ZNF708: variants seen among roughly 807,000 people sequenced by gnomAD.
ZNF708 encodes the protein ZNF15, ZNF15L1.
In ZNF708, 44 loss-of-function variants were observed where a neutral mutation model predicts 47.0. The ratio of observed to expected loss-of-function variants is 0.94; its 90% CI spans 0.74 to 1.20. The LOEUF (loss-of-function observed/expected upper bound fraction) is 1.20, where lower values mean the gene tolerates loss of function less well. ZNF708 is among the 50% of genes most tolerant of loss of function. The pLI, the probability that ZNF708 is intolerant of heterozygous loss-of-function variation, is 0.00. For missense variants in ZNF708, 557 were observed against 656.0 expected (o/e 0.85, Z 1.65); for synonymous variants, 184 against 218.5 (o/e 0.84, Z 1.39).
chr19:21,309,814 T>C (rs1206534577), intron 2 of ZNF708, among the ~76,000 whole-genome samples: 1 of 152,218 alleles, frequency 6.6e-6, no homozygotes, highest in Non-Finnish European at 1.5e-5. Context: ...ACAAAATTTC[T>C]AAATATTAAG....
chr19:21,314,482 A>G (rs1972963840), intron 1 of ZNF708, among the ~76,000 whole-genome samples: 1 of 152,188 alleles, frequency 6.6e-6, no homozygotes, highest in Non-Finnish European at 1.5e-5. Context: ...CCACAACAAT[A>G]TAAATAAAGT....
Position 21,292,625 on chromosome 19 carries a change from T to C in ZNF708, c.*649A>G, listed in dbSNP as rs1423020914. On this transcript the variant is annotated 3_prime_UTR_variant, in exon 4 of 4. Coordinates refer to ENST00000356929, the MANE Select transcript of ZNF708 (RefSeq NM_021269.3). ...CAAATAAAGGTATTACAATCCTCTTTTATTTGTAATGTTTGTCTTCAAAAT... is the reference window on the plus strand; with the variant it reads ...CAAATAAAGGTATTACAATCCTCTTCTATTTGTAATGTTTGTCTTCAAAAT... The C allele has an allele frequency of 6.6e-6, 1 of 152,486 alleles. No individual in the cohort carries two copies. The highest frequency in any genetic ancestry group is 1.9e-4 in the East Asian group (1 of 5,214). 9.4% of individuals were successfully genotyped at this position (152,486 alleles called of 1,614,324 possible).
Position 21,294,702 on chromosome 19 carries a change from C to G in ZNF708, c.264G>C (p.Glu88Asp), listed in dbSNP as rs770714631. 6.2e-6 allele frequency: 10 copies of G among 1,610,752 alleles called. No individual in the cohort carries two copies. Among genetic ancestry groups the G allele is most frequent in the Non-Finnish European group, 8.5e-6 (10 of 1,178,720 alleles). ...CSHFAKDLRP[E>D]QYIKNSFQQV... ...GTTGGAAAGAATTTTTTATATATTG[C>G]TCTGGCCTAAGGTCTTTGGCAAAAT... The change falls in exon 4 of 4, where the codon GAG (glutamate) becomes GAC (aspartate). Residue 88 changes from glutamate (E) to aspartate (D), a missense_variant. Transcript: ENST00000356929.
intron 3 of ZNF708, among the ~76,000 whole-genome samples, chr19:21,300,897 C>T (rs551518282): frequency 1.1e-4 from 17 of 151,888 alleles, no homozygotes; most frequent in Non-Finnish European, 2.4e-4. Context: ...CCTGACCTCA[C>T]GATCCACCTG....
At chr19:21,309,213 T>C (rs962524896) in intron 3 of ZNF708, 33 bp downstream of exon 3, 4 of 1,539,550 alleles carry the variant, frequency 2.6e-6, no homozygotes, top group East Asian at 2.3e-5. Flanking sequence ...GGACCTCACA[T>C]CTGTGTCATC....
intron 1 of ZNF708, among the ~76,000 whole-genome samples, chr19:21,322,886 C>A (rs1461230674): frequency 6.6e-6 from 1 of 152,196 alleles, no homozygotes; most frequent in Non-Finnish European, 1.5e-5. Context: ...ACTGTCCTTA[C>A]GGCAGATGCC....
intron 3 of ZNF708, among the ~76,000 whole-genome samples, chr19:21,302,399 T>C (rs1235106215): frequency 6.6e-6 from 1 of 152,152 alleles, no homozygotes; most frequent in Non-Finnish European, 1.5e-5. Flanking sequence ...GAGATTAAAA[T>C]ATATCATTTT....
At chr19:21,308,707 C>T (rs535103293) in intron 3 of ZNF708, among the ~76,000 whole-genome samples, 5 of 152,188 alleles carry the variant, frequency 3.3e-5, no homozygotes, top group African/African-American at 9.6e-5. Flanking sequence ...CACTGCCCCC[C>T]CAGCCAAAAC....
chr19:21,305,241 C>T (rs1354862497), intron 3 of ZNF708, among the ~76,000 whole-genome samples: 3 of 151,534 alleles, frequency 2.0e-5, no homozygotes, highest in Non-Finnish European at 4.4e-5. Flanking sequence ...GATCTCTTGA[C>T]CTTGTGATTC....
chr19:21,327,349 G>C (rs1973280980), intron 1 of ZNF708, among the ~76,000 whole-genome samples: 1 of 152,054 alleles, frequency 6.6e-6, no homozygotes, highest in Admixed American at 6.6e-5. Flanking sequence ...GACCAACATG[G>C]AGAAACCCCA....
chr19:21,299,950 T>G (rs982437834), intron 3 of ZNF708, among the ~76,000 whole-genome samples: 13 of 152,088 alleles, frequency 8.5e-5, no homozygotes, highest in African/African-American at 3.1e-4. Flanking sequence ...TCTAACACTA[T>G]TCACTTAGAC....
chr19:21,327,826 A>T (rs900328090), intron 1 of ZNF708: 2 of 221,500 alleles, frequency 9.0e-6, no homozygotes, highest in Admixed American at 4.6e-5. Flanking sequence ...TGTGTCTCCA[A>T]GAAATGGAAG....
At chr19:21,319,136 C>T (rs1047460404) in intron 1 of ZNF708, among the ~76,000 whole-genome samples, 1 of 152,008 alleles carries the variant, frequency 6.6e-6, no homozygotes, top group African/African-American at 2.4e-5. Context: ...ATATTTTGAT[C>T]TTATATTCAT....
chr19:21,327,304 C>A (rs1053553860), intron 1 of ZNF708, among the ~76,000 whole-genome samples: 6 of 151,796 alleles, frequency 4.0e-5, no homozygotes, highest in Admixed American at 1.3e-4. Context: ...CCGAGGCGGG[C>A]GGATCACCTG....
chr19:21,297,271 T>TACATATA (rs1491214834), intron 3 of ZNF708, among the ~76,000 whole-genome samples: 1 of 17,000 alleles, frequency 5.9e-5, no homozygotes, highest in Non-Finnish European at 1.0e-4. Flanking sequence ...TATATATATA[T>TACATATA]TTTTTTTTTT....
At chr19:21,327,292 G>T (rs1051340944) in intron 1 of ZNF708, among the ~76,000 whole-genome samples, 5 of 152,214 alleles carry the variant, frequency 3.3e-5, no homozygotes, top group African/African-American at 1.2e-4. Context: ...CACTTTGGGA[G>T]GCCGAGGCGG....
chr19:21,308,140 TA>T (rs758936343), intron 3 of ZNF708, among the ~76,000 whole-genome samples: 1 of 152,068 alleles, frequency 6.6e-6, no homozygotes, highest in East Asian at 1.9e-4. Context: ...TCTATGGATT[TA>T]AAGAATAAAT....
At chr19:21,309,093 GAC>G (rs1972845006) in intron 3 of ZNF708, among the ~76,000 whole-genome samples, 151 bp downstream of exon 3, 1 of 152,124 alleles carries the variant, frequency 6.6e-6, no homozygotes, top group Admixed American at 6.5e-5. Context: ...AAAAGCATAA[GAC>G]AGAAGACGCC....
chr19:21,309,931 C>T (rs914481626), intron 2 of ZNF708, among the ~76,000 whole-genome samples: 1 of 152,106 alleles, frequency 6.6e-6, no homozygotes, highest in Non-Finnish European at 1.5e-5. Flanking sequence ...TATTTTATGC[C>T]ACTAAATTTC....
Sources: allele counts gnomAD v4.1 joint callset (sites outside exome capture counted in the v4.1 genomes callset), GRCh38; gene constraint gnomAD v4.1.1; transcripts MANE v1.5; gene names NCBI Gene and HGNC (gene_info 2026-07-23, HGNC 2026-07-21).